CEP112: variants seen among roughly 807,000 people sequenced by gnomAD.
The protein encoded by CEP112 is centrosomal protein 112.
A neutral mutation model predicts 153.0 loss-of-function variants in CEP112; 127 were observed. That is an observed-to-expected ratio of 0.83 (90% confidence interval 0.72 to 0.96). The LOEUF (loss-of-function observed/expected upper bound fraction) is 0.96, where lower values mean the gene tolerates loss of function less well. CEP112 is among the 40% of genes least tolerant of loss of function. CEP112 has a pLI of 0.00. For missense variants in CEP112, 1,089 were observed against 1,101.2 expected, an observed-to-expected ratio of 0.99 and a Z score of 0.16; for synonymous variants, 358 against 374.4, an observed-to-expected ratio of 0.96 and a Z score of 0.51.
intron 20 of CEP112, among the ~76,000 whole-genome samples, chr17:65,875,125 C>G (rs2058780282): frequency 1.3e-5 from 2 of 151,842 alleles, no homozygotes; most frequent in South Asian, 4.1e-4. Context: ...CAGATAGAGA[C>G]CTAAAATGTC....
chr17:65,675,470 T>G (rs2047185694), intron 24 of CEP112, among the ~76,000 whole-genome samples: 1 of 152,106 alleles, frequency 6.6e-6, no homozygotes, highest in Non-Finnish European at 1.5e-5. Context: ...CCTCCCAAAG[T>G]GCTGGGATTA....
Position 66,030,024 on chromosome 17 carries a change from C to T in CEP112, c.1219-1G>A, listed in dbSNP as rs1468062116. 5 of 1,612,370 alleles carry T rather than the reference C, an allele frequency of 3.1e-6. No individual in the cohort carries two copies. Among genetic ancestry groups the T allele is most frequent in the Non-Finnish European group, 4.2e-6 (5 of 1,179,338 alleles). Reference sequence around the variant, plus strand: ...CCTCCAGTTCTTTGATCATGTGGTTCTAAAAGAACAGGTCATGGTTAAGAA... The same window carrying T: ...CCTCCAGTTCTTTGATCATGTGGTTTTAAAAGAACAGGTCATGGTTAAGAA... On this transcript the variant is annotated splice_acceptor_variant, in intron 12 of 26. Transcript: ENST00000535342. LOFTEE classifies it high-confidence loss of function.
At chr17:66,100,979 G>C (rs1325056157) in intron 6 of CEP112, among the ~76,000 whole-genome samples, 1 of 152,036 alleles carries the variant, frequency 6.6e-6, no homozygotes, top group East Asian at 1.9e-4. Flanking sequence ...TGGTATCTGT[G>C]GGAAGGAAGG....
intron 21 of CEP112, among the ~76,000 whole-genome samples, chr17:65,777,268 A>G: frequency 6.6e-6 from 1 of 152,218 alleles, no homozygotes; most frequent in East Asian, 1.9e-4. Context: ...CAGGGATGGC[A>G]TAGGGTAAGC....
At chr17:65,821,621 G>A (rs549309613) in intron 21 of CEP112, among the ~76,000 whole-genome samples, 165 of 134,448 alleles carry the variant, frequency 1.2e-3, no homozygotes, top group Non-Finnish European at 1.8e-3. Flanking sequence ...GTGCGATCTC[G>A]GCTTACCACA....
chr17:65,927,415 A>T (rs1180874373), intron 19 of CEP112, among the ~76,000 whole-genome samples, 167 bp downstream of exon 19: 1 of 152,218 alleles, frequency 6.6e-6, no homozygotes, highest in East Asian at 1.9e-4. Context: ...GAGTGTTAAA[A>T]TTCTGTTTAT....
chr17:66,034,652 TGA>T (rs1237146338), intron 12 of CEP112, among the ~76,000 whole-genome samples: 1 of 151,744 alleles, frequency 6.6e-6, no homozygotes, highest in East Asian at 1.9e-4. Flanking sequence ...ACTATTTTTA[TGA>T]GAGAAAGAAA....
At chr17:66,152,536 A>G (rs1417846774) in intron 4 of CEP112, among the ~76,000 whole-genome samples, 1 of 152,216 alleles carries the variant, frequency 6.6e-6, no homozygotes, top group African/African-American at 2.4e-5. Context: ...TAAATTAAGA[A>G]AGTCCAAGCA....
chr17:65,995,916 G>A (rs1453813120), intron 17 of CEP112, among the ~76,000 whole-genome samples: 3 of 152,150 alleles, frequency 2.0e-5, no homozygotes, highest in East Asian at 1.9e-4. Context: ...CTTGCCTGCT[G>A]CCATGTAAGA....
At chr17:66,169,939 T>C (rs772201492) in intron 4 of CEP112, among the ~76,000 whole-genome samples, 3 of 152,276 alleles carry the variant, frequency 2.0e-5, no homozygotes, top group Non-Finnish European at 2.9e-5. Flanking sequence ...GCAATCATGA[T>C]TGGACCAGAC....
At chr17:66,188,474 A>C (rs1386623705) in intron 1 of CEP112, among the ~76,000 whole-genome samples, 2 of 148,680 alleles carry the variant, frequency 1.3e-5, no homozygotes, top group East Asian at 4.1e-4. Flanking sequence ...AGTCAGGTAA[A>C]TGCAGCTCAA....
chr17:66,003,427 C>T (rs546715518), intron 17 of CEP112, among the ~76,000 whole-genome samples: 3 of 152,236 alleles, frequency 2.0e-5, no homozygotes, highest in Non-Finnish European at 2.9e-5. Flanking sequence ...CACACTGAAA[C>T]GATCAGTCTG....
chr17:65,937,559 AGGG>A (rs2061368547), intron 18 of CEP112, among the ~76,000 whole-genome samples: 3 of 94,824 alleles, frequency 3.2e-5, no homozygotes, highest in East Asian at 8.7e-4. Flanking sequence ...CCCGTCCGGG[AGGG>A]AGGTGGGGGG....
intron 8 of CEP112, among the ~76,000 whole-genome samples, chr17:66,083,122 C>T (rs1273340189): frequency 6.6e-6 from 1 of 152,120 alleles, no homozygotes; most frequent in East Asian, 1.9e-4. Flanking sequence ...ACTGTAGCTA[C>T]CATCATTCCA....
intron 17 of CEP112, among the ~76,000 whole-genome samples, chr17:65,968,373 T>C (rs1014208451): frequency 2.0e-5 from 3 of 152,184 alleles, no homozygotes; most frequent in Admixed American, 6.5e-5. Context: ...CTTACATTCA[T>C]CACTATGCAC....
In CEP112 at chr17:66,001,072, A is replaced by C. The variant is rs141222221; in HGVS notation, c.1736+4618T>G. ...AGTTGGGTTCTATCATTATCAAATA[A>C]CTGGTAGCAACGTTGAATGAAGCTG... On this transcript the variant is annotated intron_variant, in intron 17 of 26. Coordinates refer to ENST00000535342, the MANE Select transcript of CEP112 (RefSeq NM_001199165.4). Among the ~76,000 whole-genome samples, 8 of 152,296 alleles carry C rather than the reference A, an allele frequency of 5.3e-5. No individual in the cohort carries two copies. The East Asian group carries it at 1.4e-3, about 26-fold the overall frequency.
chr17:65,937,949 G>C (rs2144411403), intron 18 of CEP112, among the ~76,000 whole-genome samples: 1 of 124,740 alleles, frequency 8.0e-6, no homozygotes, highest in East Asian at 4.7e-4. Flanking sequence ...GGGCCATGAT[G>C]ACAGTGGCAG....
rs776955774 is a variant in CEP112, at chr17:66,175,218, T to C, written c.298-2A>G. The C allele has an allele frequency of 1.0e-5, 16 of 1,526,008 alleles. No individual in the cohort carries two copies. The South Asian group carries it at 2.1e-4, about 20-fold the overall frequency. 94.5% of individuals were successfully genotyped at this position (1,526,008 alleles called of 1,614,324 possible). On this transcript the variant is annotated splice_acceptor_variant, in intron 3 of 26. Transcript: ENST00000535342. LOFTEE classifies it high-confidence loss of function. ...ATTTGGTTCATCAAAATAGATGGAC[T>C]GATTTTTTAAAATTAGAAAAATTAT...
At chr17:65,893,456 A>T (rs2059549011) in intron 20 of CEP112, among the ~76,000 whole-genome samples, 1 of 152,114 alleles carries the variant, frequency 6.6e-6, no homozygotes, top group Admixed American at 6.6e-5. Flanking sequence ...CTCCCAATAA[A>T]CAAATATCCA....
Sources: gnomAD v4.1 joint callset for allele counts (sites outside exome capture counted in the v4.1 genomes callset) on GRCh38, gnomAD v4.1.1 for gene constraint, MANE v1.5 for transcripts, NCBI Gene and HGNC (gene_info 2026-07-23, HGNC 2026-07-21) for gene names.